BRD2: variants seen among roughly 807,000 people sequenced by gnomAD.
BRD2 encodes bromodomain containing 2.
A neutral mutation model predicts 79.1 loss-of-function variants in BRD2; 15 were observed. That is an observed-to-expected ratio of 0.19 (90% CI 0.13 to 0.29). The LOEUF (loss-of-function observed/expected upper bound fraction) is 0.29, where lower values mean the gene tolerates loss of function less well. Among genes scored for constraint, BRD2 ranks in the 10% least tolerant of loss-of-function variants. BRD2 has a pLI of 1.00. For missense variants in BRD2, 1,053 were observed against 991.3 expected (o/e 1.06, Z -0.84); for synonymous variants, 488 against 358.6 (o/e 1.36, Z -4.08).
intron 8 of BRD2, 41 bp downstream of exon 8, chr6:32,977,611 G>T: frequency 6.2e-7 from 1 of 1,610,592 alleles, no homozygotes; most frequent in Non-Finnish European, 8.5e-7. Flanking sequence ...AATGGTATGG[G>T]GAGTTATTTT....
chr6:32,973,215 G>T, intron 2 of BRD2: 1 of 1,466,570 alleles, frequency 6.8e-7, no homozygotes, highest in Non-Finnish European at 9.2e-7. Flanking sequence ...AGTGGAGTGA[G>T]GTTGAACAGC....
rs1779048364 is a variant in BRD2, at chr6:32,978,279, G to A, written c.1732G>A (p.Ala578Thr). 1.9e-6 allele frequency: 3 copies of A among 1,613,042 alleles called. No homozygotes were observed. The highest frequency in any genetic ancestry group is 8.5e-7 in the Non-Finnish European group (1 of 1,180,022). Residue 578 changes from alanine (A) to threonine (T), a missense_variant, in exon 10 of 13, where the codon GCA becomes ACA. By Grantham distance (58) the Ala-to-Thr change is moderately conservative. Around this residue, in one of 5 missense-constraint regions of BRD2, gnomAD observed 454 missense variants for 430.5 expected, o/e 1.05. Transcript: ENST00000374825. ...CGATGAAGATGACAAGGGGCCTAGG[G>A]CACCCCGCCCACCTCAACCTAAGAA... ...GADEDDKGPR[A>T]PRPPQPKKSK...
rs929426349 is a variant in BRD2 at position 32,980,841 on chromosome 6, A to G, written c.*123A>G. On this transcript the variant is annotated 3_prime_UTR_variant, in exon 13 of 13. Coordinates refer to ENST00000374825, the MANE Select transcript of BRD2 (RefSeq NM_005104.4). ...ATCTCACCCCCCCCCGCCCCCCTCTAGGAGAGCTGGCTCTGCAGTGGGGGA... is the reference window on the plus strand; with the variant it reads ...ATCTCACCCCCCCCCGCCCCCCTCTGGGAGAGCTGGCTCTGCAGTGGGGGA... The G allele has an allele frequency of 5.9e-5, 72 of 1,213,120 alleles. No homozygotes were observed. The highest frequency in any genetic ancestry group is 8.3e-5 in the Non-Finnish European group (72 of 865,698). The allele number at this position is 1,213,120 out of a possible 1,614,324, so 75.1% of individuals were successfully genotyped here.
intron 2 of BRD2, chr6:32,973,262 G>A (rs757260877): frequency 2.8e-6 from 3 of 1,074,936 alleles, no homozygotes; most frequent in Non-Finnish European, 3.9e-6. Context: ...TCTAGCGGCG[G>A]TCTGTTAGCC....
rs779574195 is a variant in BRD2, at chr6:32,976,680, C to T, written c.944C>T (p.Pro315Leu). 6.8e-6 allele frequency: 11 copies of T among 1,613,126 alleles called. No individual in the cohort carries two copies. The highest frequency in any genetic ancestry group is 9.3e-6 in the Non-Finnish European group (11 of 1,180,036). Reference protein sequence around the residue: ...SLEPKAARLPPMRRESGRPIK... With the variant: ...SLEPKAARLPLMRRESGRPIK... Reference sequence around the variant, plus strand: ...GAGCCTAAGGCAGCACGGCTTCCCCCTATGCGTAGAGAGAGTGGTCGCCCC... The same window carrying T: ...GAGCCTAAGGCAGCACGGCTTCCCCTTATGCGTAGAGAGAGTGGTCGCCCC... The change falls in exon 7 of 13, where the codon CCT becomes CTT. Residue 315 changes from proline to leucine, a missense_variant. Physicochemically the swap from Pro to Leu is moderately conservative, Grantham distance 98. This residue lies in a region of BRD2 where 454 missense variants were observed against 430.5 expected (regional missense o/e 1.05). Coordinates refer to ENST00000374825, the MANE Select transcript of BRD2 (RefSeq NM_005104.4).
chr6:32,977,617 A>G (rs779424371), intron 8 of BRD2, 47 bp downstream of exon 8: 17 of 1,609,570 alleles, frequency 1.1e-5, no homozygotes, highest in Non-Finnish European at 1.4e-5. Context: ...ATGGGGAGTT[A>G]TTTTGTCATG....
chr6:32,975,650 G>GGT, intron 4 of BRD2, 129 bp downstream of exon 4: 2 of 1,214,224 alleles, frequency 1.6e-6, no homozygotes, highest in Non-Finnish European at 2.3e-6. Context: ...GGTAGTCGGA[G>GGT]TCTTAAAAAC....
intron 3 of BRD2, 101 bp from the exon 4 acceptor site, chr6:32,975,283 G>GT (rs1554143900): frequency 0.029 from 27,354 of 932,444 alleles, 323 homozygotes; most frequent in East Asian, 0.15. Flanking sequence ...ATGCATAGGG[G>GT]GGGTGTGTGT....
rs1470574653 is a variant in BRD2 at position 32,975,467 on chromosome 6, A to G, written c.417A>G (p.Ser139=). The stretch of plus-strand genomic sequence containing the variant: ...AAAACAATTATTATTGGGCTGCTTC[A>G]GAGTGTATGCAAGATTTTAATACCA... ...RLENNYYWAA[S]ECMQDFNTMF... is the part of the protein sequence containing the mutation. The change falls in exon 4 of 13, where the codon TCA becomes TCG. Residue 139 remains serine (S), a synonymous_variant. Coordinates refer to ENST00000374825, the MANE Select transcript of BRD2 (RefSeq NM_005104.4). 6.2e-7 allele frequency: 1 copy of G among 1,612,712 alleles called. No homozygotes were observed. Among genetic ancestry groups the G allele is most frequent in the Non-Finnish European group, 8.5e-7 (1 of 1,179,858 alleles).
At chr6:32,975,268 C>G (rs1221228317) in intron 3 of BRD2, 116 bp from the exon 4 acceptor site, 2 of 1,109,414 alleles carry the variant, frequency 1.8e-6, no homozygotes, top group Non-Finnish European at 2.5e-6. Flanking sequence ...GTAACTGTTC[C>G]TTTGATGCAT....
At chr6:32,969,153 C>T in intron 1 of BRD2, 97 bp downstream of exon 1, 1 of 536,350 alleles carries the variant, frequency 1.9e-6, no homozygotes, top group Non-Finnish European at 3.4e-6. Flanking sequence ...GGAAAGAATC[C>T]TGAGAGTGGG....
Position 32,972,145 on chromosome 6 carries a change from C to G in BRD2, c.-754C>G. 1.5e-6 allele frequency: 1 copy of G among 645,902 alleles called. No individual in the cohort carries two copies. The allele number at this position is 645,902 out of a possible 1,614,324, so 40.0% of individuals were successfully genotyped here. A position where few individuals can be genotyped will look rare whatever the true frequency, so the allele number is the denominator to read the frequency against. On this transcript the variant is annotated 5_prime_UTR_variant, in exon 2 of 13. Coordinates refer to ENST00000374825, the MANE Select transcript of BRD2 (RefSeq NM_005104.4). ...CAAGCAGGGTGGCGCGCATGAGCGG[C>G]GAAGCTCCTCCTCCCCGCCTATATA...
chr6:32,974,384 G>C, intron 2 of BRD2, 78 bp from the exon 3 acceptor site: 2 of 1,444,728 alleles, frequency 1.4e-6, no homozygotes, highest in Non-Finnish European at 1.9e-6. Context: ...CCAGCACCTG[G>C]ATTCATCAGA....
intron 2 of BRD2, 100 bp downstream of exon 2, chr6:32,973,027 T>G (rs116719162): frequency 1.2e-6 from 2 of 1,612,326 alleles, no homozygotes; most frequent in Non-Finnish European, 1.7e-6. Flanking sequence ...CCCGGCGCGC[T>G]GCTGTTGCGG....
chr6:32,972,696 A>T lies in BRD2; in HGVS notation c.-203A>T. 1.4e-6 allele frequency: 1 copy of T among 700,256 alleles called. No homozygotes were observed. The highest frequency in any genetic ancestry group is 2.4e-6 in the Non-Finnish European group (1 of 424,024). 43.4% of individuals were successfully genotyped at this position (700,256 alleles called of 1,614,324 possible). ...TTTTCTTGCTGTCCGCCGTCTGCAGAGCGCGCCAAGCTGCCCGGAGCTCTC... is the reference window on the plus strand; with the variant it reads ...TTTTCTTGCTGTCCGCCGTCTGCAGTGCGCGCCAAGCTGCCCGGAGCTCTC... On this transcript the variant is annotated 5_prime_UTR_variant, in exon 2 of 13. Transcript: ENST00000374825.
In BRD2 at chr6:32,977,837, C is replaced by T. The variant is rs200182536; in HGVS notation, c.1410C>T (p.Pro470=). The T allele has an allele frequency of 6.2e-6, 10 of 1,613,092 alleles. No homozygotes were observed. In the East Asian group the frequency reaches 8.9e-5, roughly 14 times the overall value. ...PGPLPVSTAM[P]PGLAKSSSES... ...CTTTACCAGTCTCTACTGCCATGCC[C>T]CCTGGCTTGGCCAAATCGTCTTCAG... is the stretch of plus-strand genomic sequence containing the variant. Residue 470 remains proline, a synonymous_variant, in exon 9 of 13, where the codon CCC becomes CCT. Transcript: ENST00000374825.
At position 32,973,277 on chromosome 6, in the gene BRD2, A is replaced by AG. The variant is rs1414995782; in HGVS notation, c.29+356dup. On this transcript the variant is annotated intron_variant, in intron 2 of 12. Coordinates refer to ENST00000374825, the MANE Select transcript of BRD2 (RefSeq NM_005104.4). ...TCTAGCGGCGGTCTGTTAGCCTTTTAGGGGGGATTCACGGACACCTCTAGC... is the reference window on the plus strand; with the variant it reads ...TCTAGCGGCGGTCTGTTAGCCTTTTAGGGGGGGATTCACGGACACCTCTAGC... The AG allele has an allele frequency of 1.3e-5, 12 of 959,076 alleles. No homozygotes were observed. In the East Asian group the frequency reaches 1.4e-4, roughly 11 times the overall value. The allele number at this position is 959,076 out of a possible 1,614,324, so 59.4% of individuals were successfully genotyped here.
At chr6:32,975,095 G>C (rs915703335) in intron 3 of BRD2, 32 of 1,510,994 alleles carry the variant, frequency 2.1e-5, no homozygotes, top group Non-Finnish European at 2.7e-5. Context: ...TGCAGCCCAT[G>C]GATAGCCAGC....
Position 32,980,470 on chromosome 6 carries a change from T to G in BRD2, c.2269+6T>G, listed in dbSNP as rs1484788541. On this transcript the variant is annotated splice_donor_region_variant and intron_variant, in intron 12 of 12. Transcript: ENST00000374825. ...TAAAAAGCCCCCCAAGAAAGGTGAG[T>G]ATATACTTTCATGCCACTACAGATT... 6.2e-7 allele frequency: 1 copy of G among 1,612,896 alleles called. No homozygotes were observed. The highest frequency in any genetic ancestry group is 1.7e-5 in the Admixed American group (1 of 59,994).
Sources: gnomAD v4.1 joint callset for allele counts on GRCh38, gnomAD v4.1.1 for gene constraint, gnomAD v4.1.1 regional missense constraint, MANE v1.5 for transcripts, NCBI Gene and HGNC (gene_info 2026-07-23, HGNC 2026-07-21) for gene names.